Variants in IQCE observed in about 807,000 individuals in gnomAD.
IQCE encodes the protein IQ motif containing E, also known as IQ domain-containing protein E.
IQCE carries 115 observed loss-of-function variants against 96.0 expected under a neutral mutation model. The ratio of observed to expected loss-of-function variants is 1.20; its 90% CI spans 1.03 to 1.40. The LOEUF is 1.40. Among genes scored for constraint, IQCE ranks in the 40% most tolerant of loss-of-function variants. The probability of loss-of-function intolerance (pLI) is 0.00; values close to 1 mark genes in which losing one functional copy is unlikely to be tolerated. For missense variants in IQCE, 1,041 were observed against 909.1 expected (o/e 1.15, Z -1.87); for synonymous variants, 412 against 371.2 (o/e 1.11, Z -1.26).
chr7:2,587,621 C>T (rs1783223251), intron 12 of IQCE, among the ~76,000 whole-genome samples: 1 of 152,134 alleles, frequency 6.6e-6, no homozygotes, highest in Non-Finnish European at 1.5e-5. Context: ...ATACAGACAT[C>T]TATCTCTTCA....
intron 14 of IQCE, among the ~76,000 whole-genome samples, chr7:2,592,249 A>G (rs1562660770): frequency 1.3e-5 from 2 of 152,248 alleles, no homozygotes; most frequent in South Asian, 4.1e-4. Context: ...GCCAATTGAT[A>G]GGTCCTTTGT....
At position 2,610,340 on chromosome 7, in the gene IQCE, T is replaced by C; in HGVS notation, c.*178T>C. The C allele has an allele frequency of 1.8e-6, 1 of 566,128 alleles. No individual in the cohort carries two copies. The highest frequency in any genetic ancestry group is 3.2e-6 in the Non-Finnish European group (1 of 313,802). The allele number at this position is 566,128 out of a possible 1,614,324, so 35.1% of individuals were successfully genotyped here. A position where few individuals can be genotyped will look rare whatever the true frequency, so the allele number is the denominator to read the frequency against. ...GAAGGAGACCCAAATGCCTTTACTT[T>C]ATTCTCTGGGGAGGGCCAGCGGCTC... On this transcript the variant is annotated 3_prime_UTR_variant, in exon 22 of 22. Coordinates refer to ENST00000402050, the MANE Select transcript of IQCE (RefSeq NM_152558.5).
chr7:2,573,538 A>G, intron 6 of IQCE, 50 bp downstream of exon 6: 2 of 995,518 alleles, frequency 2.0e-6, no homozygotes, highest in Non-Finnish European at 3.2e-6. Context: ...AAAGCTTCCT[A>G]TAACAATGTA....
chr7:2,560,454 C>T (rs1160292391), intron 1 of IQCE, among the ~76,000 whole-genome samples: 1 of 152,174 alleles, frequency 6.6e-6, no homozygotes, highest in East Asian at 1.9e-4. Context: ...CACAGCTGCA[C>T]CCGCAGTAGG....
rs1369276651 is a variant in IQCE, at chr7:2,571,666, TC to T, written c.259+13del. The T allele has an allele frequency of 6.3e-7, 1 of 1,597,268 alleles. No homozygotes were observed. Among genetic ancestry groups the T allele is most frequent in the Non-Finnish European group, 8.5e-7 (1 of 1,178,664 alleles). ...AACCGCAAAGCCAGGTATGTGGTTG[TC>T]GCACTGGAGACCCTTCCTGCTTGAG... On this transcript the variant is annotated intron_variant, in intron 4 of 21. Coordinates refer to ENST00000402050, the MANE Select transcript of IQCE (RefSeq NM_152558.5).
At chr7:2,582,487 G>A in intron 8 of IQCE, 93 bp from the exon 9 acceptor site, 2 of 1,000,974 alleles carry the variant, frequency 2.0e-6, no homozygotes, top group Non-Finnish European at 3.1e-6. Flanking sequence ...AGGAAGGACA[G>A]TGAGGTGTGC....
rs1385351888 is a variant in IQCE, at chr7:2,565,787, GTGATATAAAAAA to G, written c.37-1315_37-1304del. On this transcript the variant is annotated intron_variant, in intron 1 of 21. Coordinates refer to ENST00000402050, the MANE Select transcript of IQCE (RefSeq NM_152558.5). Reference sequence around the variant, plus strand: ...TGTCTTAAAAGGTCACCTTAAATAGGTGATATAAAAAATGATATAAAAAATTTCAGTCAATGG... The same window carrying G: ...TGTCTTAAAAGGTCACCTTAAATAGGTGATATAAAAAATTTCAGTCAATGG... Among the ~76,000 whole-genome samples the G allele has an allele frequency of 2.0e-5, 3 of 152,212 alleles. No individual in the cohort carries two copies. The South Asian group carries it at 6.2e-4, about 32-fold the overall frequency.
intron 12 of IQCE, 95 bp downstream of exon 12, chr7:2,586,466 C>A: frequency 7.4e-7 from 1 of 1,344,106 alleles, no homozygotes; most frequent in South Asian, 1.4e-5. Flanking sequence ...GGACAGGCAC[C>A]ACGAGGGCAG....
intron 10 of IQCE, 87 bp from the exon 11 acceptor site, chr7:2,584,149 G>A (rs985830404): frequency 9.1e-5 from 106 of 1,160,922 alleles, no homozygotes; most frequent in South Asian, 4.6e-4. Context: ...CGTAGGCAGC[G>A]GTCAGGACTG....
At chr7:2,578,181 G>T (rs567946235) in intron 6 of IQCE, 61 bp from the exon 7 acceptor site, 4 of 1,290,954 alleles carry the variant, frequency 3.1e-6, no homozygotes, top group Non-Finnish European at 3.4e-6. Context: ...GCGCGGGGAC[G>T]TGTGTGCGGC....
chr7:2,602,986 C>T (rs933418817), intron 18 of IQCE, among the ~76,000 whole-genome samples: 7 of 152,334 alleles, frequency 4.6e-5, no homozygotes, highest in Middle Eastern at 3.4e-3. Flanking sequence ...GACCCCTGCT[C>T]GCCACTGCCC....
At chr7:2,605,835 G>T (rs751831911) in intron 19 of IQCE, 41 bp from the exon 20 acceptor site, 1 of 1,498,350 alleles carries the variant, frequency 6.7e-7, no homozygotes, top group Non-Finnish European at 9.0e-7. Flanking sequence ...CCAGCAGGGG[G>T]CTGCCAAACA....
At chr7:2,604,790 G>A (rs1180780125) in intron 18 of IQCE, 91 bp from the exon 19 acceptor site, 42 of 837,892 alleles carry the variant, frequency 5.0e-5, no homozygotes, top group Non-Finnish European at 6.9e-5. Flanking sequence ...CCCTGCTGCC[G>A]TGGCAGCTCT....
chr7:2,610,126 T>G lies in IQCE; in HGVS notation c.2052T>G (p.Ile684Met), dbSNP rs1370514235. The G allele has an allele frequency of 6.2e-7, 1 of 1,612,718 alleles. No homozygotes were observed. The highest frequency in any genetic ancestry group is 8.5e-7 in the Non-Finnish European group (1 of 1,178,796). The stretch of plus-strand genomic sequence containing the variant: ...CCGATGATTCCGACGATATTGTCAT[T>G]GCACCGTCTCTGCCCACGAAGAACT... ...VNSDDSDDIV[I>M]APSLPTKNFP... Residue 684 changes from isoleucine (I) to methionine (M), a missense_variant, in exon 22 of 22, where the codon ATT becomes ATG. Coordinates refer to ENST00000402050, the MANE Select transcript of IQCE (RefSeq NM_152558.5).
At chr7:2,567,809 A>G (rs1405845998) in intron 2 of IQCE, among the ~76,000 whole-genome samples, 6 of 152,210 alleles carry the variant, frequency 3.9e-5, no homozygotes, top group Non-Finnish European at 8.8e-5. Context: ...TGTGGACTCA[A>G]GGGGGAGCCT....
chr7:2,599,453 C>T (rs1210565293), intron 17 of IQCE, among the ~76,000 whole-genome samples: 2 of 152,162 alleles, frequency 1.3e-5, no homozygotes, highest in Non-Finnish European at 2.9e-5. Flanking sequence ...ATCTTGGCTT[C>T]CCAAAGTGCC....
Position 2,578,944 on chromosome 7 carries a change from G to A in IQCE, c.630+418G>A, listed in dbSNP as rs527323824. Among the ~76,000 whole-genome samples, 5 of 151,950 alleles carry A rather than the reference G, an allele frequency of 3.3e-5. No homozygotes were observed. In the South Asian group the frequency reaches 8.3e-4, roughly 25 times the overall value. ...TATGGCAGCATGCTCCTGTAGTCCCGGCTACTCAGGAGGCTGAGGCACAAG... is the reference window on the plus strand; with the variant it reads ...TATGGCAGCATGCTCCTGTAGTCCCAGCTACTCAGGAGGCTGAGGCACAAG... On this transcript the variant is annotated intron_variant, in intron 8 of 21. Coordinates refer to ENST00000402050, the MANE Select transcript of IQCE (RefSeq NM_152558.5).
chr7:2,588,657 T>G (rs908934162), intron 13 of IQCE, among the ~76,000 whole-genome samples: 2 of 100,694 alleles, frequency 2.0e-5, no homozygotes, highest in Admixed American at 9.2e-5. Context: ...CTGGCTGGTT[T>G]TTTTTTTTTT....
chr7:2,586,140 C>T, intron 11 of IQCE, 68 bp from the exon 12 acceptor site: 1 of 1,436,942 alleles, frequency 7.0e-7, no homozygotes. Context: ...TTCACCTGTC[C>T]CTCGTTTCAA....
Sources: allele counts gnomAD v4.1 joint callset (sites outside exome capture counted in the v4.1 genomes callset), GRCh38; gene constraint gnomAD v4.1.1; transcripts MANE v1.5; gene names NCBI Gene and HGNC (gene_info 2026-07-23, HGNC 2026-07-21).